The following AAK1 variants were observed in gnomAD, a reference collection of about 807,000 sequenced individuals.
AAK1 encodes AP2-associated protein kinase 1.
AAK1 carries 37 observed loss-of-function variants against 116.0 expected under a neutral mutation model. The ratio of observed to expected loss-of-function variants is 0.32; its 90% CI spans 0.25 to 0.42. The LOEUF (loss-of-function observed/expected upper bound fraction) is 0.42. Ranked by LOEUF, AAK1 falls within the 10% of genes least tolerant of loss-of-function variation. The pLI is 1.00. For synonymous variants in AAK1, 458 were observed against 439.9 expected, an observed-to-expected ratio of 1.04 and a Z score of -0.51; for missense variants, 919 against 1,170.6, an observed-to-expected ratio of 0.79 and a Z score of 3.14.
intron 16 of AAK1, 114 bp downstream of exon 16, chr2:69,505,455 C>G: frequency 1.6e-6 from 1 of 620,806 alleles, no homozygotes; most frequent in Non-Finnish European, 2.8e-6. Context: ...TATATATATA[C>G]ACGGTACTGC....
At chr2:69,612,035 CT>C (rs1674108303) in intron 2 of AAK1, among the ~76,000 whole-genome samples, 1 of 152,136 alleles carries the variant, frequency 6.6e-6, no homozygotes, top group Non-Finnish European at 1.5e-5. Context: ...TGGGCATAGA[CT>C]TTCAGTTGGG....
Position 69,465,617 on chromosome 2 carries a change from G to C in AAK1, c.*10252C>G, listed in dbSNP as rs1352657610. ...GACTTGGCTCGTCTTCTGGGCTATA[G>C]TGACGGGAATACTTGGATAAGGACT... On this transcript the variant is annotated 3_prime_UTR_variant, in exon 22 of 22. Transcript: ENST00000409085. 7.7e-7 allele frequency: 1 copy of C among 1,290,984 alleles called. No homozygotes were observed. The highest frequency in any genetic ancestry group is 1.0e-6 in the Non-Finnish European group (1 of 988,888). 80.0% of individuals were successfully genotyped at this position (1,290,984 alleles called of 1,614,324 possible).
intron 2 of AAK1, among the ~76,000 whole-genome samples, chr2:69,582,871 ACT>A (rs1365582855): frequency 1.3e-5 from 2 of 152,028 alleles, no homozygotes; most frequent in Admixed American, 6.6e-5. Context: ...AGCTCTGAGG[ACT>A]CTGTTGCTGG....
chr2:69,575,558 C>T (rs1378625404), intron 2 of AAK1, among the ~76,000 whole-genome samples: 1 of 151,378 alleles, frequency 6.6e-6, no homozygotes, highest in Non-Finnish European at 1.5e-5. Flanking sequence ...CAACCTCCGC[C>T]CACTGGTTCA....
chr2:69,643,543 G>A, intron 1 of AAK1, 32 bp downstream of exon 1: 1 of 1,227,474 alleles, frequency 8.1e-7, no homozygotes, highest in Non-Finnish European at 1.0e-6. Context: ...TCTCCCCGCC[G>A]CCCCTCGAGG....
At chr2:69,566,465 G>GT (rs1161503941) in intron 2 of AAK1, among the ~76,000 whole-genome samples, 2 of 152,042 alleles carry the variant, frequency 1.3e-5, no homozygotes, top group African/African-American at 4.8e-5. Flanking sequence ...ATGACTTGAG[G>GT]TTTTCAACTC....
intron 16 of AAK1, among the ~76,000 whole-genome samples, chr2:69,497,266 AC>A (rs2104937718): frequency 6.9e-6 from 1 of 144,004 alleles, no homozygotes; most frequent in Admixed American, 7.0e-5. Context: ...ACAGGCATGC[AC>A]CACCACATGC....
At chr2:69,487,122 T>C (rs1331688084) in intron 17 of AAK1, among the ~76,000 whole-genome samples, 3 of 152,218 alleles carry the variant, frequency 2.0e-5, no homozygotes, top group Non-Finnish European at 4.4e-5. Context: ...AAGTTTTGAT[T>C]GCTTTAAAAT....
At chr2:69,531,617 A>C in intron 6 of AAK1, 7 of 989,014 alleles carry the variant, frequency 7.1e-6, no homozygotes, top group Non-Finnish European at 8.4e-6. Context: ...TTCCACTTAG[A>C]TCGCCTTATG....
At chr2:69,604,772 G>A (rs966663523) in intron 2 of AAK1, among the ~76,000 whole-genome samples, 4 of 151,988 alleles carry the variant, frequency 2.6e-5, no homozygotes, top group African/African-American at 9.7e-5. Context: ...TGCTTCTCCC[G>A]GGTGCCACAC....
rs1328285243 is a variant in AAK1, at chr2:69,459,029, A to C, written c.*16840T>G. ...AGAAATGGCTGGGGGACAGCTGAGAATAAATTTATGGAATTACAAATTATG... is the reference window on the plus strand; with the variant it reads ...AGAAATGGCTGGGGGACAGCTGAGACTAAATTTATGGAATTACAAATTATG... On this transcript the variant is annotated 3_prime_UTR_variant, in exon 22 of 22. Transcript: ENST00000409085. 6.6e-6 allele frequency: 1 copy of C among 152,182 alleles called. No homozygotes were observed. The allele number at this position is 152,182 out of a possible 1,614,324, so 9.4% of individuals were successfully genotyped here.
In AAK1 at chr2:69,471,204, A is replaced by G. The variant is rs1432431771; in HGVS notation, c.*4665T>C. 2.0e-6 allele frequency: 2 copies of G among 985,352 alleles called. No individual in the cohort carries two copies. Among genetic ancestry groups the G allele is most frequent in the African/African-American group, 3.5e-5 (2 of 57,252 alleles). 61.0% of individuals were successfully genotyped at this position (985,352 alleles called of 1,614,324 possible). A position where few individuals can be genotyped will look rare whatever the true frequency, so the allele number is the denominator to read the frequency against. On this transcript the variant is annotated 3_prime_UTR_variant, in exon 22 of 22. Coordinates refer to ENST00000409085, the MANE Select transcript of AAK1 (RefSeq NM_014911.5). The stretch of plus-strand genomic sequence containing the variant: ...TCACTACATCAAAGTGTGAACCAAG[A>G]ACGTGTCTTTAATTCTAGCAACTAC...
intron 2 of AAK1, among the ~76,000 whole-genome samples, chr2:69,566,736 C>G (rs1051109297): frequency 2.0e-5 from 3 of 152,168 alleles, no homozygotes; most frequent in Non-Finnish European, 1.5e-5. Flanking sequence ...AGGAAAAATA[C>G]TTGCCTGGAA....
Position 69,471,370 on chromosome 2 carries a change from A to G in AAK1, c.*4499T>C, listed in dbSNP as rs993055428. On this transcript the variant is annotated 3_prime_UTR_variant, in exon 22 of 22. Transcript: ENST00000409085. Reference sequence around the variant, plus strand: ...GCACTCATTCTGATTTAAGAAATCTAAGCACATCCAACTTCAGAAACATTA... The same window carrying G: ...GCACTCATTCTGATTTAAGAAATCTGAGCACATCCAACTTCAGAAACATTA... 12 of 985,330 alleles carry G rather than the reference A, an allele frequency of 1.2e-5. No individual in the cohort carries two copies. The highest frequency in any genetic ancestry group is 1.4e-5 in the Non-Finnish European group (12 of 829,922). 61.0% of individuals were successfully genotyped at this position (985,330 alleles called of 1,614,324 possible). A position where few individuals can be genotyped will look rare whatever the true frequency, so the allele number is the denominator to read the frequency against.
chr2:69,519,112 AAGGCGTCTGCTGTGG>A lies in AAK1; in HGVS notation c.1324_1338del (p.Pro442_Pro446del). ...GCGGGCAGACCCTGGGCCTGAGTAGAAGGCGTCTGCTGTGGAGTGGGAGGAGCCTGTGGCTGCTTG... is the reference window on the plus strand; with the variant it reads ...GCGGGCAGACCCTGGGCCTGAGTAGAAGTGGGAGGAGCCTGTGGCTGCTTG... On this transcript the variant is annotated inframe_deletion, in exon 12 of 22. Transcript: ENST00000409085. The A allele has an allele frequency of 6.4e-7, 1 of 1,555,612 alleles. No homozygotes were observed. Among genetic ancestry groups the A allele is most frequent in the South Asian group, 1.2e-5 (1 of 84,298 alleles).
chr2:69,540,949 A>AT (rs1670689426), intron 5 of AAK1, among the ~76,000 whole-genome samples: 1 of 152,256 alleles, frequency 6.6e-6, no homozygotes, highest in Non-Finnish European at 1.5e-5. Flanking sequence ...GATACATACT[A>AT]TAACATTGAC....
intron 2 of AAK1, among the ~76,000 whole-genome samples, chr2:69,576,745 A>G (rs1246381687): frequency 1.3e-5 from 2 of 152,176 alleles, no homozygotes; most frequent in Admixed American, 1.3e-4. Flanking sequence ...GCCTAGGTCC[A>G]CCTGGTGGCA....
At chr2:69,574,339 C>T (rs374664629) in intron 2 of AAK1, among the ~76,000 whole-genome samples, 15 of 139,644 alleles carry the variant, frequency 1.1e-4, no homozygotes, top group African/African-American at 4.1e-4. Flanking sequence ...GATCACACCA[C>T]TGCACTTCAG....
chr2:69,614,431 G>T (rs1380830122), intron 2 of AAK1, among the ~76,000 whole-genome samples: 2 of 152,154 alleles, frequency 1.3e-5, no homozygotes, highest in African/African-American at 4.8e-5. Flanking sequence ...CTGCCCCGTG[G>T]AGCTGGCATT....
Sources: gnomAD v4.1 joint callset for allele counts (sites outside exome capture counted in the v4.1 genomes callset) on GRCh38, gnomAD v4.1.1 for gene constraint, MANE v1.5 for transcripts, NCBI Gene and HGNC (gene_info 2026-07-23, HGNC 2026-07-21) for gene names.